The following NRXN1 variants were observed in gnomAD, a reference collection of about 807,000 sequenced individuals.
NRXN1 encodes the protein neurexin-1.
In NRXN1, 39 loss-of-function variants were observed where a neutral mutation model predicts 150.9. The ratio of observed to expected loss-of-function variants is 0.26; its 90% confidence interval spans 0.20 to 0.34. NRXN1 has a LOEUF of 0.34. Among genes scored for constraint, NRXN1 ranks in the 10% least tolerant of loss-of-function variants. The pLI is 1.00. For synonymous variants in NRXN1, 924 were observed against 757.0 expected, an observed-to-expected ratio of 1.22 and a Z score of -3.62; for missense variants, 1,815 against 1,949.9, an observed-to-expected ratio of 0.93 and a Z score of 1.30.
intron 5 of NRXN1, among the ~76,000 whole-genome samples, chr2:50,838,593 C>T (rs954749621): frequency 7.2e-5 from 11 of 151,978 alleles, no homozygotes; most frequent in African/African-American, 1.5e-4. Context: ...GTATGACTGG[C>T]GTCTTTATAA....
In NRXN1 at chr2:50,155,333, G is replaced by C. The variant is rs1256498875; in HGVS notation, c.3547-63839C>G. On this transcript the variant is annotated intron_variant, in intron 18 of 22. Coordinates refer to ENST00000401669, the MANE Select transcript of NRXN1 (RefSeq NM_001330078.2). Reference sequence around the variant, plus strand: ...TAATGACCAATAAGGAACTATTTTGGGGTACATTCATTTATTATTTTGCTT... The same window carrying C: ...TAATGACCAATAAGGAACTATTTTGCGGTACATTCATTTATTATTTTGCTT... Among the ~76,000 whole-genome samples the C allele has an allele frequency of 2.6e-5, 4 of 151,244 alleles. No homozygotes were observed. In the East Asian group the frequency reaches 7.8e-4, roughly 29 times the overall value.
chr2:49,988,762 G>T (rs1363027), intron 21 of NRXN1, among the ~76,000 whole-genome samples: 1 of 151,862 alleles, frequency 6.6e-6, no homozygotes, highest in Non-Finnish European at 1.5e-5. Context: ...AACTGTAAAG[G>T]ATATATGTCT....
rs79227789 is a variant in NRXN1, at chr2:50,791,714, G to A, written c.832+130155C>T. Among the ~76,000 whole-genome samples, 1,498 of 152,284 alleles carry A rather than the reference G, an allele frequency of 9.8e-3. 13 individuals are homozygous for A. The highest frequency in any genetic ancestry group is 0.016 in the Non-Finnish European group (1,072 of 68,028). On this transcript the variant is annotated intron_variant, in intron 5 of 22. Transcript: ENST00000401669. ...ATAGCCGCAATTATACTCCCTGGCT[G>A]TGGTAATTTAAACGTTATTTTAAAA...
chr2:50,209,472 G>A (rs567169476), intron 18 of NRXN1, among the ~76,000 whole-genome samples: 1 of 152,176 alleles, frequency 6.6e-6, no homozygotes, highest in East Asian at 1.9e-4. Context: ...CAAACGAGAA[G>A]ACTGAGGTTG....
chr2:49,997,917 A>T (rs947280562), intron 21 of NRXN1, among the ~76,000 whole-genome samples: 1 of 152,162 alleles, frequency 6.6e-6, no homozygotes, highest in African/African-American at 2.4e-5. Flanking sequence ...GGCAATAAAA[A>T]TAACCTTTAC....
intron 8 of NRXN1, among the ~76,000 whole-genome samples, chr2:50,606,641 TTC>T (rs1212593864): frequency 1.5e-5 from 2 of 133,844 alleles, no homozygotes; most frequent in East Asian, 2.1e-4. Flanking sequence ...AAAATAAAAC[TTC>T]TTTCATATAT....
At chr2:50,254,972 A>G (rs562907868) in intron 17 of NRXN1, among the ~76,000 whole-genome samples, 1 of 152,058 alleles carries the variant, frequency 6.6e-6, no homozygotes, top group South Asian at 2.1e-4. Flanking sequence ...ACACTTGGCT[A>G]ATTTTTGTAT....
chr2:50,084,133 G>C (rs1409597739), intron 19 of NRXN1, among the ~76,000 whole-genome samples: 7 of 152,160 alleles, frequency 4.6e-5, no homozygotes, highest in African/African-American at 9.7e-5. Flanking sequence ...AGACATAAAG[G>C]TTCTCCAAGT....
At chr2:50,373,457 A>T (rs2080186183) in intron 17 of NRXN1, among the ~76,000 whole-genome samples, 1 of 149,040 alleles carries the variant, frequency 6.7e-6, no homozygotes, top group South Asian at 2.1e-4. Context: ...TAGCTCCCAT[A>T]CTCTCACTTG....
At chr2:50,614,730 A>AT (rs1344371080) in intron 8 of NRXN1, among the ~76,000 whole-genome samples, 1 of 83,396 alleles carries the variant, frequency 1.2e-5, no homozygotes, top group South Asian at 3.9e-4. Context: ...AATATCAGCC[A>AT]TTCAAAAAAA....
chr2:51,018,392 A>C (rs879500381), intron 2 of NRXN1, among the ~76,000 whole-genome samples: 1 of 152,060 alleles, frequency 6.6e-6, no homozygotes, highest in Non-Finnish European at 1.5e-5. Context: ...GAGTAACTAG[A>C]CAAGAGGCCA....
intron 15 of NRXN1, among the ~76,000 whole-genome samples, chr2:50,472,795 T>TTGTGTGTGTG (rs113192574): frequency 0.039 from 5,404 of 138,442 alleles, 125 homozygotes; most frequent in East Asian, 0.065. Context: ...CCCTACAGCC[T>TTGTGTGTGTG]TGTGTGTGTG....
At chr2:50,855,262 TA>T (rs948559606) in intron 5 of NRXN1, among the ~76,000 whole-genome samples, 54 of 151,958 alleles carry the variant, frequency 3.6e-4, no homozygotes, top group Admixed American at 2.8e-3. Context: ...TCTTAAAGTA[TA>T]AAAAAAACTT....
At chr2:50,459,046 T>C (rs1005861519) in intron 17 of NRXN1, among the ~76,000 whole-genome samples, 15 of 152,260 alleles carry the variant, frequency 9.9e-5, no homozygotes, top group African/African-American at 3.4e-4. Context: ...TCTACATAAA[T>C]TTTTTGTAGT....
chr2:50,805,918 C>A (rs1465546677), intron 5 of NRXN1, among the ~76,000 whole-genome samples: 2 of 152,052 alleles, frequency 1.3e-5, no homozygotes, highest in African/African-American at 2.4e-5. Context: ...ACAGAATATT[C>A]TTTTCACTAC....
chr2:50,423,573 A>G (rs746206182), intron 17 of NRXN1, among the ~76,000 whole-genome samples: 14 of 152,216 alleles, frequency 9.2e-5, no homozygotes, highest in Non-Finnish European at 1.0e-4. Flanking sequence ...GAAGCGAGAT[A>G]TTAATTTTTT....
chr2:50,261,721 T>C (rs1217472831), intron 17 of NRXN1, among the ~76,000 whole-genome samples: 1 of 151,948 alleles, frequency 6.6e-6, no homozygotes, highest in African/African-American at 2.4e-5. Flanking sequence ...CTATTTCTTT[T>C]ATATAAAGTG....
intron 9 of NRXN1, among the ~76,000 whole-genome samples, chr2:50,542,881 C>G (rs1573475128): frequency 6.6e-6 from 1 of 151,962 alleles, no homozygotes; most frequent in East Asian, 1.9e-4. Context: ...TAGTTTAAAC[C>G]AATTTAACTC....
At chr2:50,815,064 C>T (rs529966898) in intron 5 of NRXN1, among the ~76,000 whole-genome samples, 2 of 152,174 alleles carry the variant, frequency 1.3e-5, no homozygotes, top group African/African-American at 4.8e-5. Context: ...AACTGACATA[C>T]TCTTTTTTTT....
Sources: allele counts gnomAD v4.1 joint callset (sites outside exome capture counted in the v4.1 genomes callset), GRCh38; gene constraint gnomAD v4.1.1; transcripts MANE v1.5; gene names NCBI Gene and HGNC (gene_info 2026-07-23, HGNC 2026-07-21).